Variants in ADCY9 observed in about 807,000 individuals in gnomAD.
The protein encoded by ADCY9 is adenylate cyclase type 9.
ADCY9 carries 50 observed loss-of-function variants against 101.5 expected under a neutral mutation model. The observed-to-expected ratio is 0.49, with a 90% CI of 0.39 to 0.62. The LOEUF (loss-of-function observed/expected upper bound fraction) is 0.62. Ranked by LOEUF, ADCY9 falls within the 20% of genes least tolerant of loss-of-function variation. The pLI, the probability that ADCY9 is intolerant of heterozygous loss-of-function variation, is 0.00. For synonymous variants in ADCY9, 905 were observed against 769.3 expected, an observed-to-expected ratio of 1.18 and a Z score of -2.92; for missense variants, 1,662 against 1,800.4, an observed-to-expected ratio of 0.92 and a Z score of 1.39.
intron 2 of ADCY9, among the ~76,000 whole-genome samples, chr16:4,064,804 A>G (rs1025424343): frequency 2.0e-5 from 3 of 148,416 alleles, no homozygotes; most frequent in African/African-American, 7.4e-5. Context: ...GTTTGCTTAC[A>G]AAAAAAAAAG....
chr16:4,103,017 C>T (rs1163653466), intron 2 of ADCY9, among the ~76,000 whole-genome samples: 1 of 152,254 alleles, frequency 6.6e-6, no homozygotes, highest in Non-Finnish European at 1.5e-5. Flanking sequence ...CCATGGCCAG[C>T]TCGAAGTTGA....
chr16:4,024,054 G>C (rs190439336), intron 2 of ADCY9, among the ~76,000 whole-genome samples: 26 of 150,468 alleles, frequency 1.7e-4, no homozygotes. Flanking sequence ...ACTGAGTCTT[G>C]CTCTGTTGCC....
chr16:4,102,424 T>C (rs910434397), intron 2 of ADCY9, among the ~76,000 whole-genome samples: 1 of 151,964 alleles, frequency 6.6e-6, no homozygotes, highest in Non-Finnish European at 1.5e-5. Flanking sequence ...GTTGTTTCTT[T>C]GTTTGTTTGT....
intron 2 of ADCY9, among the ~76,000 whole-genome samples, chr16:4,039,994 G>C (rs1327069275): frequency 6.6e-6 from 1 of 152,126 alleles, no homozygotes; most frequent in Non-Finnish European, 1.5e-5. Flanking sequence ...ACCCATGATT[G>C]CACCACTGCA....
chr16:4,017,187 T>C (rs1360436188), intron 2 of ADCY9, among the ~76,000 whole-genome samples: 1 of 149,374 alleles, frequency 6.7e-6, no homozygotes, highest in Non-Finnish European at 1.5e-5. Context: ...ATATTAATAA[T>C]ACAATAAAAT....
At chr16:4,093,364 C>G (rs990294289) in intron 2 of ADCY9, among the ~76,000 whole-genome samples, 6 of 152,108 alleles carry the variant, frequency 3.9e-5, no homozygotes, top group Admixed American at 1.3e-4. Flanking sequence ...CTAGAGCAGG[C>G]CTAGAAAAGA....
At chr16:3,967,101 G>C in intron 10 of ADCY9, 135 bp from the exon 11 acceptor site, 2 of 696,526 alleles carry the variant, frequency 2.9e-6, no homozygotes, top group Non-Finnish European at 4.9e-6. Flanking sequence ...GCCCATTCCT[G>C]GTTTGGGCTG....
chr16:4,009,287 T>G (rs896066281), intron 2 of ADCY9, among the ~76,000 whole-genome samples: 1 of 151,988 alleles, frequency 6.6e-6, no homozygotes, highest in Non-Finnish European at 1.5e-5. Context: ...TGTTTTTCCT[T>G]TAGAGATAGG....
chr16:4,064,968 T>C (rs1239139032), intron 2 of ADCY9, among the ~76,000 whole-genome samples: 1 of 151,918 alleles, frequency 6.6e-6, no homozygotes, highest in East Asian at 1.9e-4. Flanking sequence ...GGGAGGAAAA[T>C]GGAGAGAGCG....
At chr16:4,090,064 C>T (rs564779581) in intron 2 of ADCY9, among the ~76,000 whole-genome samples, 5 of 152,148 alleles carry the variant, frequency 3.3e-5, no homozygotes, top group African/African-American at 1.2e-4. Context: ...AGCTGCCCTA[C>T]AGGCCATTCC....
intron 5 of ADCY9, among the ~76,000 whole-genome samples, chr16:3,991,655 A>G (rs2056244535): frequency 6.7e-6 from 1 of 150,092 alleles, no homozygotes; most frequent in South Asian, 2.2e-4. Flanking sequence ...CAGCTACTTG[A>G]GAGACCTAGG....
intron 2 of ADCY9, among the ~76,000 whole-genome samples, chr16:4,043,899 C>A (rs1367702242): frequency 6.6e-6 from 1 of 152,122 alleles, no homozygotes; most frequent in Admixed American, 6.6e-5. Flanking sequence ...ACTCTGCAAC[C>A]TTGAGTGGGG....
downstream of ADCY9, among the ~76,000 whole-genome samples, chr16:3,959,393 T>A (rs1308761307): frequency 6.6e-6 from 1 of 151,486 alleles, no homozygotes; most frequent in African/African-American, 2.4e-5. Context: ...TGTCCGTACT[T>A]GATTCCTCAT....
At chr16:3,990,642 T>C (rs2056236751) in intron 5 of ADCY9, among the ~76,000 whole-genome samples, 1 of 152,138 alleles carries the variant, frequency 6.6e-6, no homozygotes, top group Non-Finnish European at 1.5e-5. Flanking sequence ...AGAGAAATAA[T>C]TCTGTCCCAG....
rs557115035 is a variant in ADCY9, at chr16:4,114,927, G to A, written c.516C>T (p.Tyr172=). Reference sequence around the variant, plus strand: ...GGGTGAGAGCCAGCGAGGTCCACGCGTAATGCCGGGCGTACAGCTTGGTGA... The same window carrying A: ...GGGTGAGAGCCAGCGAGGTCCACGCATAATGCCGGGCGTACAGCTTGGTGA... ...FTFTKLYARH[Y]AWTSLALTLL... Residue 172 remains tyrosine (Y), a synonymous_variant, in exon 2 of 11, where the codon TAC becomes TAT. Transcript: ENST00000294016. This position sits in a 1 kb window ranked among gnomAD's most constrained non-coding sequence, Gnocchi z 4.3. 8 of 1,613,954 alleles carry A rather than the reference G, an allele frequency of 5.0e-6. No homozygotes were observed. The African/African-American group carries it at 1.1e-4, about 21-fold the overall frequency.
At chr16:3,991,123 T>C (rs1460181846) in intron 5 of ADCY9, among the ~76,000 whole-genome samples, 2 of 152,164 alleles carry the variant, frequency 1.3e-5, no homozygotes, top group Admixed American at 6.5e-5. Context: ...TGAGGCATTA[T>C]AGTGAAGACA....
downstream of ADCY9, among the ~76,000 whole-genome samples, chr16:3,958,132 G>A (rs2055917683): frequency 6.6e-6 from 1 of 152,158 alleles, no homozygotes; most frequent in Non-Finnish European, 1.5e-5. Context: ...GGCTCTGCGG[G>A]AGGATACACT....
At chr16:4,009,862 G>C (rs1164044955) in intron 2 of ADCY9, among the ~76,000 whole-genome samples, 1 of 152,178 alleles carries the variant, frequency 6.6e-6, no homozygotes, top group Admixed American at 6.5e-5. Context: ...CATCAAAGAA[G>C]TACACGCAAG....
rs771932084 is a variant in ADCY9, at chr16:4,018,214, CTTTT to C, written c.1694-10660_1694-10657del. On this transcript the variant is annotated intron_variant, in intron 2 of 10. Transcript: ENST00000294016. ...GCTCTAAGTTGCGGAATATTCTTCTCTTTTTTTTTTTTTTTTTGAGATGGAGTCT... is the reference window on the plus strand; with the variant it reads ...GCTCTAAGTTGCGGAATATTCTTCTCTTTTTTTTTTTTTGAGATGGAGTCT... Among the ~76,000 whole-genome samples, 12 of 141,358 alleles carry C rather than the reference CTTTT, an allele frequency of 8.5e-5. No individual in the cohort carries two copies. In the East Asian group the frequency reaches 2.0e-3, roughly 24 times the overall value. 92.7% of individuals were successfully genotyped at this position (141,358 alleles called of 152,430 possible). A position where few individuals can be genotyped will look rare whatever the true frequency, so the allele number is the denominator to read the frequency against.
Sources: gnomAD v4.1 joint callset for allele counts (sites outside exome capture counted in the v4.1 genomes callset) on GRCh38, gnomAD v4.1.1 for gene constraint, Gnocchi (gnomAD v3.1) non-coding constraint, MANE v1.5 for transcripts, NCBI Gene and HGNC (gene_info 2026-07-23, HGNC 2026-07-21) for gene names.